OR4N2: variants seen among roughly 807,000 people sequenced by gnomAD.
OR4N2 encodes olfactory receptor family 4 subfamily N member 2.
For synonymous variants in OR4N2, 141 were observed against 140.4 expected (o/e 1.00, Z -0.03); for missense variants, 307 against 377.6 (o/e 0.81, Z 1.55).
At chr14:19,810,364 G>A (rs1254795217) in intron 1 of OR4N2, among the ~76,000 whole-genome samples, 2 of 152,206 alleles carry the variant, frequency 1.3e-5, no homozygotes, top group African/African-American at 2.4e-5. Context: ...TTTCAGAGAA[G>A]AGGGAACACT....
At position 19,805,926 on chromosome 14, in the gene OR4N2, T is replaced by C. The variant is rs192594423; in HGVS notation, c.-10+2082T>C. On this transcript the variant is annotated intron_variant, in intron 1 of 1. Coordinates refer to ENST00000557677, the MANE Select transcript of OR4N2 (RefSeq NM_001004723.3). ...AAAAATTGGGGGCCTATTTTTAGTA[T>C]TCTTAAAGAAAATAAATTCCAACCA... is the stretch of plus-strand genomic sequence containing the variant. Among the ~76,000 whole-genome samples, 5 of 152,316 alleles carry C rather than the reference T, an allele frequency of 3.3e-5. No individual in the cohort carries two copies. The East Asian group carries it at 9.6e-4, about 29-fold the overall frequency.
rs543534778 is a variant in OR4N2 at position 19,826,657 on chromosome 14, G to A, written c.-9-783G>A. ...GTAGCATATTGTTTGTTAAAAGGCT[G>A]TATCTTGGGTGTCACACTGGGAACA... On this transcript the variant is annotated intron_variant, in intron 1 of 1. Transcript: ENST00000557677. Among the ~76,000 whole-genome samples, 16 of 152,374 alleles carry A rather than the reference G, an allele frequency of 1.1e-4. No individual in the cohort carries two copies. The South Asian group carries it at 1.2e-3, about 12-fold the overall frequency.
intron 1 of OR4N2, among the ~76,000 whole-genome samples, chr14:19,809,536 C>T (rs1879246055): frequency 6.6e-6 from 1 of 151,906 alleles, no homozygotes; most frequent in African/African-American, 2.4e-5. Context: ...TAAAAATGGG[C>T]AAATAAGGCA....
At chr14:19,810,709 T>C (rs908607486) in intron 1 of OR4N2, among the ~76,000 whole-genome samples, 2 of 152,216 alleles carry the variant, frequency 1.3e-5, no homozygotes, top group Non-Finnish European at 2.9e-5. Context: ...TAATGAAATA[T>C]AAAGTAGACA....
At chr14:19,810,755 A>AT (rs1879276399) in intron 1 of OR4N2, among the ~76,000 whole-genome samples, 2 of 152,376 alleles carry the variant, frequency 1.3e-5, no homozygotes, top group South Asian at 4.1e-4. Context: ...AGAAATTGGT[A>AT]TTTTGAAATG....
At chr14:19,817,408 G>A (rs1278634218) in intron 1 of OR4N2, among the ~76,000 whole-genome samples, 11 of 152,188 alleles carry the variant, frequency 7.2e-5, no homozygotes, top group African/African-American at 2.2e-4. Flanking sequence ...CTTCTTCCTG[G>A]TTCAGTCTTG....
At chr14:19,817,420 G>A (rs1265862492) in intron 1 of OR4N2, among the ~76,000 whole-genome samples, 2 of 152,234 alleles carry the variant, frequency 1.3e-5, no homozygotes, top group Non-Finnish European at 2.9e-5. Context: ...TCAGTCTTGG[G>A]AGGGTGTATG....
chr14:19,823,092 A>G (rs1445294007), intron 1 of OR4N2, among the ~76,000 whole-genome samples: 2 of 152,272 alleles, frequency 1.3e-5, no homozygotes, highest in Admixed American at 6.5e-5. Context: ...TTATATACTC[A>G]TCAGCAGCAT....
intron 1 of OR4N2, among the ~76,000 whole-genome samples, chr14:19,825,293 A>G (rs1173512715): frequency 2.0e-5 from 3 of 152,242 alleles, no homozygotes; most frequent in Non-Finnish European, 4.4e-5. Flanking sequence ...TTCTAGGGAT[A>G]CATAAAGCAG....
intron 1 of OR4N2, among the ~76,000 whole-genome samples, chr14:19,809,391 A>C (rs1476052321): frequency 1.3e-5 from 2 of 152,252 alleles, no homozygotes; most frequent in East Asian, 3.8e-4. Flanking sequence ...TCTGCACAGC[A>C]AAAGAAACTA....
At chr14:19,813,478 A>G (rs1879350773) in intron 1 of OR4N2, among the ~76,000 whole-genome samples, 1 of 152,268 alleles carries the variant, frequency 6.6e-6, no homozygotes, top group South Asian at 2.1e-4. Context: ...AGGGCTTCTC[A>G]GCCAGAGAGG....
chr14:19,818,848 C>T (rs1488318320), intron 1 of OR4N2, among the ~76,000 whole-genome samples: 2 of 152,152 alleles, frequency 1.3e-5, no homozygotes, highest in Non-Finnish European at 2.9e-5. Context: ...TTAGTGCTTC[C>T]TTCTGGAGCT....
intron 1 of OR4N2, among the ~76,000 whole-genome samples, chr14:19,804,075 T>A (rs1879092936): frequency 6.6e-6 from 1 of 152,246 alleles, no homozygotes; most frequent in Admixed American, 6.5e-5. Flanking sequence ...GTGTTTATTT[T>A]TCTCTCTTCT....
Position 19,828,617 on chromosome 14 carries a change from T to A in OR4N2, c.*245T>A. On this transcript the variant is annotated 3_prime_UTR_variant, in exon 2 of 2. Transcript: ENST00000557677. ...ATAGTTTCAGGAAGAGATACTGCTC[T>A]GTAAAAACTAAAAAGAAAAGTGAAA... 1 of 403,978 alleles carries A rather than the reference T, an allele frequency of 2.5e-6. No individual in the cohort carries two copies. The highest frequency in any genetic ancestry group is 4.4e-6 in the Non-Finnish European group (1 of 226,148). The allele number at this position is 403,978 out of a possible 1,614,324, so 25.0% of individuals were successfully genotyped here.
Position 19,829,633 on chromosome 14 carries a change from G to C in OR4N2, c.*1261G>C, listed in dbSNP as rs1376128211. ...GGAATCACTTTGGACCTAACAAATC[G>C]CCCCTAGTATAACAGAAGCCTCTCC... On this transcript the variant is annotated 3_prime_UTR_variant, in exon 2 of 2. Coordinates refer to ENST00000557677, the MANE Select transcript of OR4N2 (RefSeq NM_001004723.3). 1 of 152,232 alleles carries C rather than the reference G, an allele frequency of 6.6e-6. No individual in the cohort carries two copies. The highest frequency in any genetic ancestry group is 1.5e-5 in the Non-Finnish European group (1 of 68,064). The allele number at this position is 152,232 out of a possible 1,614,324, so 9.4% of individuals were successfully genotyped here. A position where few individuals can be genotyped will look rare whatever the true frequency, so the allele number is the denominator to read the frequency against.
intron 1 of OR4N2, among the ~76,000 whole-genome samples, chr14:19,808,175 G>A (rs61976677): frequency 0.31 from 46,009 of 148,312 alleles, 4,678 homozygotes; most frequent in Non-Finnish European, 0.37. Flanking sequence ...AACTGGAAAA[G>A]GACAAAGATG....
At chr14:19,812,329 C>CTTTTTTTTTTTTTTTTTTTTTTTTTTTT (rs3078143) in intron 1 of OR4N2, among the ~76,000 whole-genome samples, 20 of 117,436 alleles carry the variant, frequency 1.7e-4, no homozygotes, top group Non-Finnish European at 2.0e-4. Flanking sequence ...CTTTTCTTTT[C>CTTTTTTTTTTTTTTTTTTTTTTTTTTTT]TTTTTTTTTT....
rs189779576 is a variant in OR4N2, at chr14:19,806,123, C to T, written c.-10+2279C>T. 2.9e-3 allele frequency among the ~76,000 whole-genome samples: 439 copies of T among 152,186 alleles called. 1 individual carries two copies. Among genetic ancestry groups the T allele is most frequent in the African/African-American group, 9.8e-3 (406 of 41,548 alleles). On this transcript the variant is annotated intron_variant, in intron 1 of 1. Transcript: ENST00000557677. ...AACAGCATCTGCTGCCACAAAAACA[C>T]GCTTAAGCACATAGCCCATAGACAC...
At chr14:19,811,893 G>C (rs1313557888) in intron 1 of OR4N2, among the ~76,000 whole-genome samples, 1 of 152,230 alleles carries the variant, frequency 6.6e-6, no homozygotes, top group Non-Finnish European at 1.5e-5. Context: ...TAGGAAGAAT[G>C]CAAGTATACA....
Sources: allele counts gnomAD v4.1 joint callset (sites outside exome capture counted in the v4.1 genomes callset), GRCh38; gene constraint gnomAD v4.1.1; transcripts MANE v1.5; gene names NCBI Gene and HGNC (gene_info 2026-07-23, HGNC 2026-07-21).